NBPF20: variants seen among roughly 807,000 people sequenced by gnomAD.
NBPF20 encodes the protein NBPF member 20, also known as NBPF family member NBPF20.
Under a neutral mutation model 68.1 loss-of-function variants are expected in NBPF20, and 90 were observed. The ratio of observed to expected loss-of-function variants is 1.32; its 90% confidence interval spans 1.11 to 1.58. The LOEUF (loss-of-function observed/expected upper bound fraction) is 1.58, where lower values mean the gene tolerates loss of function less well. NBPF20 is among the 40% of genes most tolerant of loss of function. The pLI is 0.00. For missense variants in NBPF20, 816 were observed against 601.2 expected, an observed-to-expected ratio of 1.36 and a Z score of -3.74; for synonymous variants, 290 against 228.1, an observed-to-expected ratio of 1.27 and a Z score of -2.45.
intron 43 of NBPF20, among the ~76,000 whole-genome samples, chr1:145,366,734 C>T (rs1466819429): frequency 2.1e-4 from 5 of 24,320 alleles, no homozygotes; most frequent in Non-Finnish European, 3.3e-4. Context: ...CAATAATTTT[C>T]CATAAAATGT....
the NBPF20 span, among the ~76,000 whole-genome samples, chr1:145,422,332 G>GTCC: frequency 6.7e-6 from 1 of 149,024 alleles, no homozygotes. Flanking sequence ...CAATCACTGT[G>GTCC]AACACCACAT....
intron 61 of NBPF20, among the ~76,000 whole-genome samples, 194 bp from the exon 67 acceptor site, chr1:145,352,283 A>G (rs1661655186): frequency 1.1e-5 from 1 of 87,692 alleles, no homozygotes; most frequent in Non-Finnish European, 2.5e-5. Flanking sequence ...AGAAAGACAG[A>G]TAGACACACA....
At chr1:145,395,706 T>G (rs1320821673) in intron 7 of NBPF20, among the ~76,000 whole-genome samples, 2 of 148,272 alleles carry the variant, frequency 1.3e-5, no homozygotes, top group Non-Finnish European at 2.9e-5. Context: ...AAATCCCTGT[T>G]TGAGGGTCTG....
chr1:145,409,788 T>C (rs1453505627), upstream of NBPF20, among the ~76,000 whole-genome samples: 1 of 151,944 alleles, frequency 6.6e-6, no homozygotes, highest in African/African-American at 2.4e-5. Context: ...TAATCATTTA[T>C]GTATTTAGAT....
At chr1:145,424,777 T>A in the NBPF20 span, among the ~76,000 whole-genome samples, 1 of 152,094 alleles carries the variant, frequency 6.6e-6, no homozygotes, top group African/African-American at 2.4e-5. Flanking sequence ...CAATCCAACC[T>A]ACCGGAAATC....
intron 137 of NBPF20, 23 bp from the exon 143 acceptor site, chr1:145,291,792 A>C (rs1661116662): frequency 6.2e-7 from 1 of 1,611,864 alleles, no homozygotes; most frequent in South Asian, 1.1e-5. Context: ...ACAAAACTAA[A>C]GAAGCAGCCA....
At chr1:145,399,933 G>C (rs1249099647) in intron 6 of NBPF20, among the ~76,000 whole-genome samples, 1 of 152,034 alleles carries the variant, frequency 6.6e-6, no homozygotes, top group Non-Finnish European at 1.5e-5. Flanking sequence ...CAGGGTGACT[G>C]TGCAGCTAAG....
exon 4 of NBPF20, chr1:145,402,228 G>C: frequency 6.2e-7 from 1 of 1,606,696 alleles, no homozygotes; most frequent in Non-Finnish European, 8.5e-7. Context: ...GCTGTTCTTG[G>C]AGGTCCTGCC....
rs1661192581 is a variant in NBPF20 at position 145,292,481 on chromosome 1, T to A, written c.16597A>T (p.Lys5533Ter). The change falls in exon 137 of 138, where the codon AAG becomes TAG. Residue 5533 changes from lysine to a stop codon, truncating the protein, a stop_gained. Transcript: ENST00000369373. LOFTEE classifies it high-confidence loss of function. ...CTTCTTTTCTTCCCCTTCCCCTTCT[T>A]TTCAATTTCTGCAATAAATTCAGAC... is the stretch of plus-strand genomic sequence containing the variant. The A allele has an allele frequency of 7.0e-6, 5 of 716,110 alleles. No homozygotes were observed. The highest frequency in any genetic ancestry group is 2.0e-5 in the Admixed American group (1 of 49,692). 44.4% of individuals were successfully genotyped at this position (716,110 alleles called of 1,614,324 possible). A position where few individuals can be genotyped will look rare whatever the true frequency, so the allele number is the denominator to read the frequency against.
chr1:145,422,244 G>C, the NBPF20 span, among the ~76,000 whole-genome samples: 2 of 151,530 alleles, frequency 1.3e-5, no homozygotes, highest in African/African-American at 4.8e-5. Flanking sequence ...ACTGTAAAAA[G>C]ATAAATAAAT....
chr1:145,410,913 G>A, the NBPF20 span, among the ~76,000 whole-genome samples: 5 of 130,400 alleles, frequency 3.8e-5, no homozygotes, highest in Middle Eastern at 3.8e-3. Flanking sequence ...GTTTGTGTGT[G>A]TGTGTGTGTA....
chr1:145,403,612 T>C (rs1662630183), intron 2 of NBPF20, among the ~76,000 whole-genome samples: 1 of 152,192 alleles, frequency 6.6e-6, no homozygotes, highest in South Asian at 2.1e-4. Context: ...TGACTCTGAA[T>C]GCGGGGCCAC....
rs782754077 is a variant in NBPF20 at position 145,291,576 on chromosome 1, C to T, written c.16891G>A (p.Val5631Met). 9 of 1,611,954 alleles carry T rather than the reference C, an allele frequency of 5.6e-6. No individual in the cohort carries two copies. The Middle Eastern group carries it at 6.8e-4, about 121-fold the overall frequency. ...TGGAACACCAGGTGGAGACTTGTCA[C>T]CGTCAAAGTAAAAAACCTATTGTCC... The change falls in exon 138 of 138, where the codon GTG becomes ATG. Residue 5631 changes from valine (V) to methionine (M), a missense_variant. Val to Met is a conservative substitution (Grantham distance 21, BLOSUM62 1). Transcript: ENST00000369373.
exon 138 of NBPF20, chr1:145,291,733 T>A: frequency 8.1e-6 from 13 of 1,611,906 alleles, no homozygotes; most frequent in Non-Finnish European, 1.0e-5. Flanking sequence ...CCTGTAAGAC[T>A]TCAGGCTCTT....
chr1:145,415,176 A>C, the NBPF20 span, among the ~76,000 whole-genome samples: 3 of 151,610 alleles, frequency 2.0e-5, no homozygotes, highest in Non-Finnish European at 4.4e-5. Context: ...TAAAGAAAAA[A>C]GTGCTGTGCT....
intron 137 of NBPF20, among the ~76,000 whole-genome samples, 154 bp from the exon 143 acceptor site, chr1:145,291,923 G>C (rs587673586): frequency 3.8e-4 from 57 of 151,790 alleles, no homozygotes; most frequent in African/African-American, 1.4e-3. Flanking sequence ...CTATATGTTG[G>C]GATAGAACAG....
Position 145,297,948 on chromosome 1 carries a change from A to T in NBPF20, c.15856+14T>A. 1.5e-5 allele frequency: 2 copies of T among 136,188 alleles called. No individual in the cohort carries two copies. The highest frequency in any genetic ancestry group is 2.6e-5 in the Non-Finnish European group (2 of 77,736). 8.4% of individuals were successfully genotyped at this position (136,188 alleles called of 1,614,324 possible). ...CTCAGTGGATCCTTATCACCTTCAT[A>T]GAAAGGTACTCACCTCCCACGTCGA... On this transcript the variant is annotated intron_variant, in intron 130 of 137. Transcript: ENST00000369373.
chr1:145,411,368 A>G, the NBPF20 span, among the ~76,000 whole-genome samples: 14 of 149,836 alleles, frequency 9.3e-5, no homozygotes, highest in Non-Finnish European at 2.1e-4. Flanking sequence ...CTGGCCTTAC[A>G]TAAATTTTGT....
chr1:145,409,921 A>C (rs1662940877), upstream of NBPF20, among the ~76,000 whole-genome samples: 1 of 151,752 alleles, frequency 6.6e-6, no homozygotes, highest in Non-Finnish European at 1.5e-5. Flanking sequence ...TGCAGAAGTC[A>C]AAACTCTCTT....
Sources: gnomAD v4.1 joint callset for allele counts (sites outside exome capture counted in the v4.1 genomes callset) on GRCh38, gnomAD v4.1.1 for gene constraint, MANE v1.5 for transcripts, NCBI Gene and HGNC (gene_info 2026-07-23, HGNC 2026-07-21) for gene names.